MARK2: variants seen among roughly 807,000 people sequenced by gnomAD.
MARK2 encodes serine/threonine-protein kinase MARK2.
A neutral mutation model predicts 89.8 loss-of-function variants in MARK2; 16 were observed. That is an observed-to-expected ratio of 0.18 (90% CI 0.12 to 0.27). The LOEUF (loss-of-function observed/expected upper bound fraction) is 0.27, where lower values mean the gene tolerates loss of function less well. Ranked by LOEUF, MARK2 falls within the 10% of genes least tolerant of loss-of-function variation. The pLI is 1.00. For missense variants in MARK2, 621 were observed against 1,049.9 expected (o/e 0.59, Z 5.65); for synonymous variants, 382 against 399.5 (o/e 0.96, Z 0.52).
chr11:63,868,805 G>A (rs1336892702), intron 1 of MARK2: 1 of 456,098 alleles, frequency 2.2e-6, no homozygotes, highest in Non-Finnish European at 4.4e-6. Flanking sequence ...GCGTTGGAGA[G>A]ATCATGTGGT....
At chr11:63,905,941 T>G in intron 16 of MARK2, 147 bp from the exon 17 acceptor site, 1 of 524,450 alleles carries the variant, frequency 1.9e-6, no homozygotes, top group Non-Finnish European at 3.0e-6. Flanking sequence ...AGCCTGGGAC[T>G]CTAGTCTCGC....
chr11:63,869,837 C>G (rs1480019288), intron 1 of MARK2, among the ~76,000 whole-genome samples: 1 of 152,196 alleles, frequency 6.6e-6, no homozygotes, highest in African/African-American at 2.4e-5. Context: ...GCAGACGATG[C>G]CCACTTCCTG....
At position 63,909,037 on chromosome 11, in the gene MARK2, T is replaced by C; in HGVS notation, c.2167T>C (p.Cys723Arg). 1 of 1,600,202 alleles carries C rather than the reference T, an allele frequency of 6.2e-7. No homozygotes were observed. The highest frequency in any genetic ancestry group is 8.6e-7 in the Non-Finnish European group (1 of 1,168,586). ...CCGCAAGGTGCTGGACGCGAACAGCTGCCAGAGCGAGCTGCATGAGAAGTA... is the reference window on the plus strand; with the variant it reads ...CCGCAAGGTGCTGGACGCGAACAGCCGCCAGAGCGAGCTGCATGAGAAGTA... ...EIRKVLDANS[C>R]QSELHEKYML... The change falls in exon 19 of 19, where the codon TGC becomes CGC. Residue 723 changes from cysteine to arginine, a missense_variant. By Grantham distance (180) the Cys-to-Arg change is radical. Coordinates refer to ENST00000402010, the MANE Select transcript of MARK2 (RefSeq NM_001039469.3).
chr11:63,853,522 G>C (rs1483721677), intron 1 of MARK2, among the ~76,000 whole-genome samples: 1 of 152,172 alleles, frequency 6.6e-6, no homozygotes, highest in Non-Finnish European at 1.5e-5. Flanking sequence ...AGCACCAACT[G>C]CTCATCAAAG....
At chr11:63,901,422 G>GGTGTGTGTGTGTGTGT (rs147425490) in intron 11 of MARK2, among the ~76,000 whole-genome samples, 20,046 of 139,518 alleles carry the variant, frequency 0.14, 2,706 homozygotes, top group African/African-American at 0.34. Context: ...TACATTTCTG[G>GGTGTGTGTGTGTGTGT]GTGTGTGTGT....
intron 1 of MARK2, among the ~76,000 whole-genome samples, chr11:63,891,000 T>G (rs1413530911): frequency 6.6e-6 from 1 of 152,234 alleles, no homozygotes; most frequent in African/African-American, 2.4e-5. Context: ...TCCCCATTTG[T>G]AATAGTCTCA....
In MARK2 at chr11:63,878,359, C is replaced by CTTT. The variant is rs59251368; in HGVS notation, c.55-16777_55-16775dup. ...TGCTTTGAAGCTCTCTTGTTCAAGT[C>CTTT]TTTTTTTTTTTTTTTTTTTTTTTTT... On this transcript the variant is annotated intron_variant, in intron 1 of 18. Transcript: ENST00000402010. 2.7e-3 allele frequency among the ~76,000 whole-genome samples: 197 copies of CTTT among 72,752 alleles called. 3 individuals are homozygous for CTTT. The highest frequency in any genetic ancestry group is 3.5e-3 in the South Asian group (6 of 1,714). The allele number at this position is 72,752 out of a possible 152,430, so 47.7% of individuals were successfully genotyped here.
chr11:63,909,369 G>A lies in MARK2; in HGVS notation c.*132G>A, dbSNP rs1378437073. 2.1e-6 allele frequency: 2 copies of A among 946,844 alleles called. No individual in the cohort carries two copies. The highest frequency in any genetic ancestry group is 1.7e-5 in the African/African-American group (1 of 58,596). The allele number at this position is 946,844 out of a possible 1,614,324, so 58.7% of individuals were successfully genotyped here. ...CCTGCTGGCACTTCTCCCCTCCCTGGCCCTTCTCAGTTTTCTCTTACATGT... is the reference window on the plus strand; with the variant it reads ...CCTGCTGGCACTTCTCCCCTCCCTGACCCTTCTCAGTTTTCTCTTACATGT... On this transcript the variant is annotated 3_prime_UTR_variant, in exon 19 of 19. Transcript: ENST00000402010.
rs1178902553 is a variant in MARK2 at position 63,909,444 on chromosome 11, CAG to C, written c.*211_*212del. The C allele has an allele frequency of 6.0e-6, 3 of 496,192 alleles. No individual in the cohort carries two copies. Among genetic ancestry groups the C allele is most frequent in the African/African-American group, 6.0e-5 (3 of 49,928 alleles). The allele number at this position is 496,192 out of a possible 1,614,324, so 30.7% of individuals were successfully genotyped here. A position where few individuals can be genotyped will look rare whatever the true frequency, so the allele number is the denominator to read the frequency against. ...CCAGCACCCCACATTCACCCCTGCC[CAG>C]AGATTCCCCCTTCTCCTCTCCCCTA... On this transcript the variant is annotated 3_prime_UTR_variant, in exon 19 of 19. Coordinates refer to ENST00000402010, the MANE Select transcript of MARK2 (RefSeq NM_001039469.3).
chr11:63,886,057 A>G (rs1318255380), intron 1 of MARK2, among the ~76,000 whole-genome samples: 1 of 151,844 alleles, frequency 6.6e-6, no homozygotes, highest in African/African-American at 2.4e-5. Context: ...TGAACCCGGG[A>G]AGCAGAGGTT....
intron 1 of MARK2, among the ~76,000 whole-genome samples, chr11:63,872,526 T>C (rs1938510592): frequency 6.6e-6 from 1 of 152,146 alleles, no homozygotes; most frequent in South Asian, 2.1e-4. Flanking sequence ...GGAGTGAGTT[T>C]TGTTTCCATG....
Position 63,895,370 on chromosome 11 carries a change from C to G in MARK2, c.234+32C>G, listed in dbSNP as rs753704695. On this transcript the variant is annotated intron_variant, in intron 2 of 18. Coordinates refer to ENST00000402010, the MANE Select transcript of MARK2 (RefSeq NM_001039469.3). ...ACTGGGACTGGGGACATGGCAGCAC[C>G]TCCCAGCCCTGTTGACACTCCAGCA... 3.1e-6 allele frequency: 5 copies of G among 1,600,484 alleles called. No individual in the cohort carries two copies. The South Asian group carries it at 5.6e-5, about 18-fold the overall frequency.
chr11:63,905,957 G>A (rs539502029), intron 16 of MARK2, 131 bp from the exon 17 acceptor site: 4 of 621,710 alleles, frequency 6.4e-6, no homozygotes, highest in East Asian at 6.8e-5. Context: ...CTCGCTGAGC[G>A]GCTCTTCCGA....
chr11:63,861,945 C>T (rs541392742), intron 1 of MARK2, among the ~76,000 whole-genome samples: 6 of 109,222 alleles, frequency 5.5e-5, no homozygotes, highest in South Asian at 2.9e-4. Flanking sequence ...TTTTTTGAGA[C>T]GGTGTTTCGC....
chr11:63,870,265 G>A (rs1591015544), intron 1 of MARK2, among the ~76,000 whole-genome samples: 1 of 152,196 alleles, frequency 6.6e-6, no homozygotes, highest in East Asian at 1.9e-4. Flanking sequence ...TGTGGAGACA[G>A]GGTCTTACAA....
In MARK2 at chr11:63,908,916, GGAA is replaced by G; in HGVS notation, c.2050_2052del (p.Glu684del). The stretch of plus-strand genomic sequence containing the variant: ...GCAGTGGCGGCAACGACAAAGAAAA[GGAA>G]GAATTTCGGGAGGCCAAGCCCCGCT... On this transcript the variant is annotated inframe_deletion, in exon 19 of 19. Transcript: ENST00000402010. The G allele has an allele frequency of 1.3e-6, 2 of 1,508,636 alleles. No individual in the cohort carries two copies. Among genetic ancestry groups the G allele is most frequent in the Non-Finnish European group, 1.8e-6 (2 of 1,121,810 alleles). 93.5% of individuals were successfully genotyped at this position (1,508,636 alleles called of 1,614,324 possible).
At chr11:63,856,831 GCTCTCTCA>G (rs1222323877) in intron 1 of MARK2, among the ~76,000 whole-genome samples, 1 of 100,790 alleles carries the variant, frequency 9.9e-6, no homozygotes, top group African/African-American at 3.9e-5. Context: ...TCGCTCTCTC[GCTCTCTCA>G]CTCTCTCGCC....
chr11:63,860,909 A>G (rs1590993603), intron 1 of MARK2, among the ~76,000 whole-genome samples: 1 of 152,118 alleles, frequency 6.6e-6, no homozygotes, highest in Non-Finnish European at 1.5e-5. Context: ...TCAGAATCAC[A>G]TCTCATTGGA....
At chr11:63,901,716 G>GTGTGTGTA (rs1940902660) in intron 11 of MARK2, among the ~76,000 whole-genome samples, 2 of 151,708 alleles carry the variant, frequency 1.3e-5, no homozygotes, top group African/African-American at 2.4e-5. Flanking sequence ...GTGTGTGTGT[G>GTGTGTGTA]TGTGTGTATG....
Sources: allele counts gnomAD v4.1 joint callset (sites outside exome capture counted in the v4.1 genomes callset), GRCh38; gene constraint gnomAD v4.1.1; transcripts MANE v1.5; gene names NCBI Gene and HGNC (gene_info 2026-07-23, HGNC 2026-07-21).